The following LMOD1 variants were observed in gnomAD, a reference collection of about 807,000 sequenced individuals.
The protein encoded by LMOD1 is leiomodin-1.
A neutral mutation model predicts 36.5 loss-of-function variants in LMOD1; 8 were observed. The ratio of observed to expected loss-of-function variants is 0.22; its 90% confidence interval spans 0.13 to 0.40. The LOEUF is 0.40. Among genes scored for constraint, LMOD1 ranks in the 10% least tolerant of loss-of-function variants. The pLI, the probability that LMOD1 is intolerant of heterozygous loss-of-function variation, is 1.00. For synonymous variants in LMOD1, 284 were observed against 288.7 expected (o/e 0.98, Z 0.17); for missense variants, 630 against 751.1 (o/e 0.84, Z 1.88).
chr1:201,935,340 C>G (rs1216378778), intron 1 of LMOD1, among the ~76,000 whole-genome samples: 2 of 142,972 alleles, frequency 1.4e-5, no homozygotes, highest in Non-Finnish European at 3.0e-5. Flanking sequence ...TTTTTTGAGA[C>G]AAGATCTGGA....
intron 1 of LMOD1, among the ~76,000 whole-genome samples, chr1:201,922,101 A>G (rs1681716093): frequency 1.3e-5 from 2 of 152,242 alleles, no homozygotes; most frequent in African/African-American, 4.8e-5. Context: ...ATAAGTGTGG[A>G]CAAGGATGTG....
chr1:201,923,117 G>A (rs138344973), intron 1 of LMOD1, among the ~76,000 whole-genome samples: 45 of 152,130 alleles, frequency 3.0e-4, no homozygotes, highest in African/African-American at 1.0e-3. Context: ...GAGCCACTGC[G>A]CCAGGCCAGG....
At chr1:201,915,246 GAC>G (rs749128918) in intron 1 of LMOD1, among the ~76,000 whole-genome samples, 5 of 123,332 alleles carry the variant, frequency 4.1e-5, no homozygotes, top group Non-Finnish European at 5.5e-5. Flanking sequence ...TCTTCCTTGA[GAC>G]ATGTGGGTGT....
chr1:201,939,846 C>T (rs989788627), intron 1 of LMOD1, among the ~76,000 whole-genome samples: 2 of 152,076 alleles, frequency 1.3e-5, no homozygotes, highest in African/African-American at 4.8e-5. Context: ...TCTGCACACT[C>T]TGGGCCCAGC....
At chr1:201,934,903 G>A (rs1681990036) in intron 1 of LMOD1, among the ~76,000 whole-genome samples, 1 of 152,170 alleles carries the variant, frequency 6.6e-6, no homozygotes, top group Non-Finnish European at 1.5e-5. Context: ...CTTCTCCTCT[G>A]CCAACACCTA....
intron 1 of LMOD1, among the ~76,000 whole-genome samples, chr1:201,921,581 A>G (rs1447704095): frequency 1.3e-5 from 2 of 151,998 alleles, no homozygotes; most frequent in African/African-American, 4.8e-5. Flanking sequence ...TATACGTAGC[A>G]ATGAAAACCA....
At chr1:201,940,024 T>C (rs534759886) in intron 1 of LMOD1, among the ~76,000 whole-genome samples, 1 of 152,260 alleles carries the variant, frequency 6.6e-6, no homozygotes, top group East Asian at 1.9e-4. Flanking sequence ...CAGCCTTCTC[T>C]GATGCTGGGA....
At chr1:201,929,610 T>C (rs1016463701) in intron 1 of LMOD1, among the ~76,000 whole-genome samples, 7 of 152,220 alleles carry the variant, frequency 4.6e-5, no homozygotes, top group African/African-American at 7.2e-5. Flanking sequence ...ATTTGAGAAG[T>C]TGGATACAAA....
chr1:201,927,746 T>C (rs1487234750), intron 1 of LMOD1, among the ~76,000 whole-genome samples: 1 of 152,208 alleles, frequency 6.6e-6, no homozygotes, highest in African/African-American at 2.4e-5. Flanking sequence ...TGGCGCAATG[T>C]CAGCCCTTGA....
chr1:201,936,089 C>T, intron 1 of LMOD1, among the ~76,000 whole-genome samples: 1 of 133,966 alleles, frequency 7.5e-6, no homozygotes, highest in African/African-American at 3.0e-5. Context: ...CACTCCAGAC[C>T]TTGTCTCAAA....
intron 1 of LMOD1, among the ~76,000 whole-genome samples, chr1:201,920,411 C>T (rs573444504): frequency 2.0e-5 from 3 of 152,164 alleles, no homozygotes; most frequent in African/African-American, 7.2e-5. Context: ...AGACATCATG[C>T]TACAGGGTCA....
chr1:201,944,497 C>G (rs1035296284), intron 1 of LMOD1, among the ~76,000 whole-genome samples: 8 of 152,186 alleles, frequency 5.3e-5, no homozygotes, highest in African/African-American at 1.9e-4. Flanking sequence ...AAGCCTTTGG[C>G]TGCATTTCAT....
chr1:201,926,958 AAAAC>A (rs1264338847), intron 1 of LMOD1, among the ~76,000 whole-genome samples: 4 of 152,354 alleles, frequency 2.6e-5, no homozygotes, highest in Non-Finnish European at 4.4e-5. Context: ...CCTTGTCTCA[AAAAC>A]AAACAAACAA....
chr1:201,901,649 C>CAT (rs770744274), intron 1 of LMOD1, among the ~76,000 whole-genome samples: 39,333 of 62,030 alleles, frequency 0.63, 12,382 homozygotes, highest in East Asian at 0.71. Flanking sequence ...TATATATATA[C>CAT]ATATATATGT....
intron 1 of LMOD1, among the ~76,000 whole-genome samples, chr1:201,927,598 AAAAG>A (rs1681850390): frequency 6.6e-6 from 1 of 152,046 alleles, no homozygotes; most frequent in Non-Finnish European, 1.5e-5. Flanking sequence ...CAAAAAAAAA[AAAAG>A]AAGAATTTGT....
chr1:201,944,806 T>G (rs561176634), intron 1 of LMOD1, among the ~76,000 whole-genome samples: 1 of 152,234 alleles, frequency 6.6e-6, no homozygotes, highest in Admixed American at 6.5e-5. Context: ...TCCTCCCTTC[T>G]TTCCCATTGC....
Position 201,913,241 on chromosome 1 carries a change from G to T in LMOD1, c.262-12490C>A, listed in dbSNP as rs1489174194. On this transcript the variant is annotated intron_variant, in intron 1 of 2. Transcript: ENST00000367288. ...AAGAGACTTGTCAGCATCAAGCAAAGACACAACTCCCAGAACTGTCCTCTG... is the reference window on the plus strand; with the variant it reads ...AAGAGACTTGTCAGCATCAAGCAAATACACAACTCCCAGAACTGTCCTCTG... 6.6e-5 allele frequency among the ~76,000 whole-genome samples: 10 copies of T among 152,160 alleles called. No homozygotes were observed. In the East Asian group the frequency reaches 1.3e-3, roughly 20 times the overall value.
At chr1:201,912,386 C>G (rs887780968) in intron 1 of LMOD1, among the ~76,000 whole-genome samples, 1 of 152,130 alleles carries the variant, frequency 6.6e-6, no homozygotes, top group Admixed American at 6.5e-5. Context: ...TCTCCTCCCC[C>G]TCCCCCACAG....
chr1:201,932,560 T>A (rs572169852), intron 1 of LMOD1, among the ~76,000 whole-genome samples: 4 of 152,086 alleles, frequency 2.6e-5, no homozygotes, highest in Non-Finnish European at 5.9e-5. Flanking sequence ...AAGACCAGCC[T>A]GGGCAACATG....
Sources: allele counts gnomAD v4.1 joint callset (sites outside exome capture counted in the v4.1 genomes callset), GRCh38; gene constraint gnomAD v4.1.1; transcripts MANE v1.5; gene names NCBI Gene and HGNC (gene_info 2026-07-23, HGNC 2026-07-21).